Variants in MEIKIN observed in about 807,000 individuals in gnomAD.
The protein encoded by MEIKIN is meiosis-specific kinetochore protein.
At chr5:131,875,145 G>A (rs1439514045) in intron 9 of MEIKIN, among the ~76,000 whole-genome samples, 1 of 152,164 alleles carries the variant, frequency 6.6e-6, no homozygotes, top group Non-Finnish European at 1.5e-5. Flanking sequence ...TCTGGCCAGG[G>A]CAATCAGCCA....
intron 8 of MEIKIN, among the ~76,000 whole-genome samples, chr5:131,891,814 T>G (rs767302607): frequency 6.6e-6 from 1 of 152,234 alleles, no homozygotes; most frequent in African/African-American, 2.4e-5. Context: ...GTAGCTTTGA[T>G]GGTCTTTACA....
intron 8 of MEIKIN, among the ~76,000 whole-genome samples, chr5:131,886,992 C>T (rs1750809677): frequency 7.7e-6 from 1 of 130,090 alleles, no homozygotes; most frequent in African/African-American, 2.8e-5. Context: ...AGCTCCCCAT[C>T]CCCTGACAAG....
intron 11 of MEIKIN, among the ~76,000 whole-genome samples, chr5:131,843,424 G>T (rs563218069): frequency 2.2e-4 from 34 of 152,258 alleles, no homozygotes; most frequent in African/African-American, 8.2e-4. Context: ...CTTTTTAAAT[G>T]TAAGTTCCAA....
intron 11 of MEIKIN, among the ~76,000 whole-genome samples, chr5:131,843,381 C>G (rs1194333354): frequency 6.6e-6 from 1 of 152,226 alleles, no homozygotes; most frequent in Admixed American, 6.5e-5. Context: ...CCTGGTCAGG[C>G]CACAAATTTT....
intron 8 of MEIKIN, among the ~76,000 whole-genome samples, chr5:131,884,478 C>A (rs1167221326): frequency 6.6e-6 from 1 of 151,734 alleles, no homozygotes; most frequent in Non-Finnish European, 1.5e-5. Flanking sequence ...CCAATCCTGG[C>A]AGGTTTCATC....
intron 8 of MEIKIN, among the ~76,000 whole-genome samples, chr5:131,901,454 T>A (rs1007722216): frequency 8.5e-5 from 13 of 152,088 alleles, no homozygotes; most frequent in African/African-American, 3.1e-4. Context: ...AATACCTGCA[T>A]GGACACTGGT....
At position 131,838,223 on chromosome 5, in the gene MEIKIN, GC is replaced by G. The variant is rs564561086; in HGVS notation, c.975+13040del. 3.8e-3 allele frequency among the ~76,000 whole-genome samples: 585 copies of G among 152,170 alleles called. 4 individuals carry two copies. Among genetic ancestry groups the G allele is most frequent in the Non-Finnish European group, 4.4e-3 (301 of 67,976 alleles). ...AAGCCTACTTAATTGTGGTGAATTA[GC>G]TTTTTGATATGCTGCTGGAATTCAG... On this transcript the variant is annotated intron_variant, in intron 11 of 12. Transcript: ENST00000442687.
At chr5:131,937,215 A>G (rs1276163959) in intron 4 of MEIKIN, among the ~76,000 whole-genome samples, 1 of 152,222 alleles carries the variant, frequency 6.6e-6, no homozygotes, top group Non-Finnish European at 1.5e-5. Context: ...GAGAAAAGGT[A>G]CAAAGAATAT....
intron 9 of MEIKIN, among the ~76,000 whole-genome samples, chr5:131,873,584 G>A (rs1750548789): frequency 6.6e-6 from 1 of 152,144 alleles, no homozygotes; most frequent in Non-Finnish European, 1.5e-5. Context: ...ACATTAGACA[G>A]ATCAATGAGA....
chr5:131,943,788 C>A (rs958634237), intron 3 of MEIKIN, among the ~76,000 whole-genome samples: 1 of 151,908 alleles, frequency 6.6e-6, no homozygotes, highest in Non-Finnish European at 1.5e-5. Context: ...CTGCCTTCCC[C>A]CAAAAACATG....
intron 5 of MEIKIN, among the ~76,000 whole-genome samples, chr5:131,930,326 T>G (rs1426574683): frequency 6.6e-6 from 1 of 152,260 alleles, no homozygotes; most frequent in Non-Finnish European, 1.5e-5. Context: ...CCTCTGCCCA[T>G]TTTTTAATAG....
chr5:131,903,350 C>T (rs1751190090), intron 8 of MEIKIN, among the ~76,000 whole-genome samples: 1 of 152,096 alleles, frequency 6.6e-6, no homozygotes, highest in Admixed American at 6.6e-5. Flanking sequence ...ACACAGTCAT[C>T]AGATTCTCCA....
intron 9 of MEIKIN, among the ~76,000 whole-genome samples, chr5:131,875,550 G>A (rs538654311): frequency 4.6e-5 from 7 of 151,932 alleles, no homozygotes; most frequent in Non-Finnish European, 5.9e-5. Context: ...AATCAATATC[G>A]TGAAAATGGC....
At chr5:131,945,074 T>A (rs752454630) in intron 2 of MEIKIN, 82 bp downstream of exon 2, 9 of 398,928 alleles carry the variant, frequency 2.3e-5, no homozygotes, top group Non-Finnish European at 4.0e-5. Flanking sequence ...ACTGTTAGAA[T>A]AAAAGGCTAC....
At chr5:131,917,643 T>C (rs1265432684) in intron 6 of MEIKIN, among the ~76,000 whole-genome samples, 2 of 151,060 alleles carry the variant, frequency 1.3e-5, no homozygotes, top group Admixed American at 1.3e-4. Flanking sequence ...TGCATACTAA[T>C]AGATTGATTA....
In MEIKIN at chr5:131,898,569, G is replaced by A. The variant is rs201303684; in HGVS notation, c.703+13246C>T. Among the ~76,000 whole-genome samples the A allele has an allele frequency of 1.1e-4, 16 of 152,304 alleles. No homozygotes were observed. In the East Asian group the frequency reaches 1.4e-3, roughly 13 times the overall value. On this transcript the variant is annotated intron_variant, in intron 8 of 12. Coordinates refer to ENST00000442687, the MANE Select transcript of MEIKIN (RefSeq NM_001303622.2). ...GACGCAGTAAGCCTTGCTGAGCTGC[G>A]GTGGGCTCTGCCCAGTTCGAGCTTC...
chr5:131,863,174 C>G (rs1201012007), intron 9 of MEIKIN, among the ~76,000 whole-genome samples: 2 of 152,058 alleles, frequency 1.3e-5, no homozygotes, highest in East Asian at 1.9e-4. Context: ...TCAGTTTTTT[C>G]AAGTTTGTTG....
intron 8 of MEIKIN, among the ~76,000 whole-genome samples, chr5:131,907,601 A>G (rs1385615560): frequency 2.0e-5 from 3 of 150,908 alleles, no homozygotes; most frequent in Non-Finnish European, 3.0e-5. Context: ...TGAGCCGGGC[A>G]GGTGGCTCAC....
chr5:131,830,848 G>C (rs1749702277), intron 11 of MEIKIN, among the ~76,000 whole-genome samples: 1 of 151,908 alleles, frequency 6.6e-6, no homozygotes, highest in Non-Finnish European at 1.5e-5. Context: ...TCAAAGATAG[G>C]TTAAGATTTT....
Sources: gnomAD v4.1 joint callset for allele counts (sites outside exome capture counted in the v4.1 genomes callset) on GRCh38, gnomAD v4.1.1 for gene constraint, MANE v1.5 for transcripts, NCBI Gene and HGNC (gene_info 2026-07-23, HGNC 2026-07-21) for gene names.